Variants in RAB37 observed in about 807,000 individuals in gnomAD.
The protein encoded by RAB37 is RAB37, member RAS oncogene family, also known as ras-related protein Rab-37.
RAB37 carries 29 observed loss-of-function variants against 33.1 expected under a neutral mutation model. The observed-to-expected ratio is 0.88, with a 90% CI of 0.65 to 1.20. The LOEUF is 1.20. Among genes scored for constraint, RAB37 ranks in the 50% most tolerant of loss-of-function variants. The probability of loss-of-function intolerance (pLI) is 0.00; values close to 1 mark genes in which losing one functional copy is unlikely to be tolerated. For synonymous variants in RAB37, 128 were observed against 119.5 expected (o/e 1.07, Z -0.47); for missense variants, 299 against 301.1 (o/e 0.99, Z 0.05).
At chr17:74,709,637 G>C (rs2033802734) in intron 1 of RAB37, among the ~76,000 whole-genome samples, 2 of 151,952 alleles carry the variant, frequency 1.3e-5, no homozygotes, top group African/African-American at 4.8e-5. Context: ...TACGAACATG[G>C]GTCACTGCAG....
intron 1 of RAB37, among the ~76,000 whole-genome samples, chr17:74,696,451 C>T (rs1222670785): frequency 1.3e-5 from 2 of 152,230 alleles, no homozygotes; most frequent in African/African-American, 2.4e-5. Flanking sequence ...CAGCCCCCTG[C>T]TCCCCACATC....
chr17:74,691,158 G>A (rs556481934), intron 1 of RAB37, among the ~76,000 whole-genome samples: 59 of 152,198 alleles, frequency 3.9e-4, no homozygotes, highest in Middle Eastern at 3.4e-3. Flanking sequence ...GCAGGCGTGC[G>A]CCACCACACC....
At chr17:74,709,811 G>A (rs1014380309) in intron 1 of RAB37, among the ~76,000 whole-genome samples, 2 of 151,982 alleles carry the variant, frequency 1.3e-5, no homozygotes, top group African/African-American at 4.8e-5. Flanking sequence ...GGACTCAACC[G>A]ATCTGCCTGC....
Position 74,704,652 on chromosome 17 carries a change from C to T in RAB37, c.73-24604C>T, listed in dbSNP as rs747682173. On this transcript the variant is annotated intron_variant, in intron 1 of 7. Transcript: ENST00000340415. ...TCCCTCTTCACCTCCTGCTCTGACC[C>T]ACTGGTTTTAACAAGGATCTTGCAG... 3.8e-5 allele frequency: 61 copies of T among 1,614,050 alleles called. 1 individual carries two copies. Among genetic ancestry groups the T allele is most frequent in the Admixed American group, 1.7e-5 (1 of 59,984 alleles).
intron 1 of RAB37, among the ~76,000 whole-genome samples, chr17:74,728,121 T>C (rs2034329055): frequency 6.6e-6 from 1 of 151,928 alleles, no homozygotes. Context: ...TGTGTGCATG[T>C]CTTTGTATAT....
intron 1 of RAB37, among the ~76,000 whole-genome samples, chr17:74,683,280 T>G (rs1312006751): frequency 6.6e-6 from 1 of 152,174 alleles, no homozygotes; most frequent in Non-Finnish European, 1.5e-5. Flanking sequence ...GATCCAACTG[T>G]GGACCATCCA....
chr17:74,698,336 A>T, intron 1 of RAB37: 1 of 1,472,708 alleles, frequency 6.8e-7, no homozygotes, highest in South Asian at 1.1e-5. Flanking sequence ...CACCCGGCCC[A>T]GTCTCAGCCC....
chr17:74,733,641 G>C (rs1022711422), upstream of RAB37, among the ~76,000 whole-genome samples: 1 of 140,672 alleles, frequency 7.1e-6, no homozygotes, highest in Non-Finnish European at 1.6e-5. Flanking sequence ...TGTGTGTCTG[G>C]GGAGAGACAC....
intron 1 of RAB37, chr17:74,695,883 G>A: frequency 6.2e-7 from 1 of 1,607,464 alleles, no homozygotes; most frequent in South Asian, 1.1e-5. Flanking sequence ...CACAGGCTGG[G>A]GAGTCACAAG....
chr17:74,688,339 C>G (rs941589318), intron 1 of RAB37, among the ~76,000 whole-genome samples: 5 of 152,078 alleles, frequency 3.3e-5, no homozygotes, highest in Admixed American at 6.5e-5. Flanking sequence ...TACCTGAGGT[C>G]AGGAGTTCGA....
intron 1 of RAB37, among the ~76,000 whole-genome samples, chr17:74,711,615 C>T (rs1356737407): frequency 6.6e-6 from 1 of 152,174 alleles, no homozygotes; most frequent in East Asian, 1.9e-4. Flanking sequence ...CTTCCTCAGA[C>T]GTGCCCAGTC....
At chr17:74,682,152 A>G (rs895218513) in intron 1 of RAB37, among the ~76,000 whole-genome samples, 4 of 152,208 alleles carry the variant, frequency 2.6e-5, no homozygotes, top group Non-Finnish European at 5.9e-5. Flanking sequence ...CTTGACTGCA[A>G]AAGGGGAAAT....
In RAB37 at chr17:74,671,165, AGCTCCT is replaced by A. The variant is rs2031695467; in HGVS notation, c.-420_-415del. 5.5e-6 allele frequency: 1 copy of A among 182,974 alleles called. No individual in the cohort carries two copies. The highest frequency in any genetic ancestry group is 1.2e-5 in the Non-Finnish European group (1 of 85,722). The allele number at this position is 182,974 out of a possible 1,614,324, so 11.3% of individuals were successfully genotyped here. A position where few individuals can be genotyped will look rare whatever the true frequency, so the allele number is the denominator to read the frequency against. The stretch of plus-strand genomic sequence containing the variant: ...CGTTCGCTCGGGATCAGGAACGGTG[AGCTCCT>A]GGGACCGCAATGCCCTGAGAACGCA... On this transcript the variant is annotated 5_prime_UTR_variant, in exon 1 of 8. Coordinates refer to the RAB37 transcript ENST00000340415. This position sits in a 1 kb window ranked among gnomAD's most constrained non-coding sequence, Gnocchi z 5.0.
At chr17:74,731,620 C>G (rs1019261363) in intron 2 of RAB37, among the ~76,000 whole-genome samples, 1 of 152,124 alleles carries the variant, frequency 6.6e-6, no homozygotes, top group Non-Finnish European at 1.5e-5. Context: ...CTTTCCAGTC[C>G]ACCACAGTTC....
At chr17:74,693,796 G>T (rs560039534) in intron 1 of RAB37, among the ~76,000 whole-genome samples, 2 of 152,178 alleles carry the variant, frequency 1.3e-5, no homozygotes, top group East Asian at 3.9e-4. Flanking sequence ...AGGCATGGTG[G>T]CAGGCACCTG....
intron 1 of RAB37, among the ~76,000 whole-genome samples, chr17:74,739,199 G>A (rs1406329901): frequency 6.6e-6 from 1 of 152,188 alleles, no homozygotes; most frequent in African/African-American, 2.4e-5. Flanking sequence ...AACCCATTAA[G>A]CCACCTAACC....
chr17:74,712,242 G>A lies in RAB37; in HGVS notation c.73-17014G>A, dbSNP rs114065481. Among the ~76,000 whole-genome samples the A allele has an allele frequency of 4.7e-3, 717 of 152,106 alleles. 9 individuals carry two copies. The highest frequency in any genetic ancestry group is 0.016 in the African/African-American group (653 of 41,476). On this transcript the variant is annotated intron_variant, in intron 1 of 7. Transcript: ENST00000340415. ...TAAAAATTGTATGCACCAACTTAAG[G>A]TGTCTCCTGCCCTCTGGCTCTGCCC...
At chr17:74,678,267 G>A (rs535955258) in intron 1 of RAB37, among the ~76,000 whole-genome samples, 2 of 152,232 alleles carry the variant, frequency 1.3e-5, no homozygotes, top group South Asian at 4.2e-4. Flanking sequence ...GAGGTTTTCT[G>A]GGGCCAAGAG....
chr17:74,671,218 G>A lies in RAB37; in HGVS notation c.-369G>A. On this transcript the variant is annotated 5_prime_UTR_variant, in exon 1 of 8. Coordinates refer to the RAB37 transcript ENST00000340415. The surrounding 1 kb of genome is among the most constrained non-coding windows in gnomAD (Gnocchi z 5.0). ...CGCAGCCGGGTGCTGAGCCTCCGGA[G>A]TCCGGTAGCTGAATGAAATACGCAG... 1 of 230,166 alleles carries A rather than the reference G, an allele frequency of 4.3e-6. No individual in the cohort carries two copies. The highest frequency in any genetic ancestry group is 8.7e-6 in the Non-Finnish European group (1 of 114,734). The allele number at this position is 230,166 out of a possible 1,614,324, so 14.3% of individuals were successfully genotyped here. A position where few individuals can be genotyped will look rare whatever the true frequency, so the allele number is the denominator to read the frequency against.
Sources: gnomAD v4.1 joint callset for allele counts (sites outside exome capture counted in the v4.1 genomes callset) on GRCh38, gnomAD v4.1.1 for gene constraint, Gnocchi (gnomAD v3.1) non-coding constraint, MANE v1.5 for transcripts, NCBI Gene and HGNC (gene_info 2026-07-23, HGNC 2026-07-21) for gene names.